CD101: variants seen among roughly 807,000 people sequenced by gnomAD.
CD101 encodes the protein immunoglobulin superfamily member 2.
Under a neutral mutation model 98.2 loss-of-function variants are expected in CD101, and 76 were observed. The observed-to-expected ratio is 0.77, with a 90% CI of 0.64 to 0.94. The LOEUF (loss-of-function observed/expected upper bound fraction) is 0.94. Ranked by LOEUF, CD101 falls within the 40% of genes least tolerant of loss-of-function variation. The pLI is 0.00. For synonymous variants in CD101, 471 were observed against 472.7 expected (o/e 1.00, Z 0.05); for missense variants, 1,145 against 1,218.8 (o/e 0.94, Z 0.90).
In CD101 at chr1:117,010,072, TG is replaced by T. The variant is rs1396917522; in HGVS notation, c.267del (p.Arg90GlufsTer24). The stretch of plus-strand genomic sequence containing the variant: ...TCTTACGCAGTATATACGCAGCGGG[TG>T]CGAAGCGGAGACGTCTACGTGGAGA... ...AFSYAVYTQR[V>X]RSGDVYVERV... On this transcript the variant is annotated frameshift_variant, in exon 2 of 10. Transcript: ENST00000682167. LOFTEE classifies it high-confidence loss of function. This position sits in a 1 kb window ranked among gnomAD's most constrained non-coding sequence, Gnocchi z 5.2. 3 of 1,614,072 alleles carry T rather than the reference TG, an allele frequency of 1.9e-6. No individual in the cohort carries two copies. The highest frequency in any genetic ancestry group is 1.7e-6 in the Non-Finnish European group (2 of 1,180,042).
Position 117,014,185 on chromosome 1 carries a change from TTGTGTGTGTGTGTGTGTGTGTG to T in CD101, c.1228+416_1228+437del, listed in dbSNP as rs3220776. On this transcript the variant is annotated intron_variant, in intron 4 of 9. Coordinates refer to ENST00000682167, the MANE Select transcript of CD101 (RefSeq NM_001256106.3). ...TGTGTATTAATGAAGCCCTCTGCCT[TTGTGTGTGTGTGTGTGTGTGTG>T]TGTGTGTGTGTGTGTGTGTGTGATA... 6.4e-5 allele frequency among the ~76,000 whole-genome samples: 9 copies of T among 141,166 alleles called. No individual in the cohort carries two copies. In the East Asian group the frequency reaches 1.7e-3, roughly 27 times the overall value. 92.6% of individuals were successfully genotyped at this position (141,166 alleles called of 152,430 possible).
At chr1:117,029,581 A>G (rs1016659325) in intron 8 of CD101, among the ~76,000 whole-genome samples, 2 of 152,274 alleles carry the variant, frequency 1.3e-5, no homozygotes, top group Non-Finnish European at 2.9e-5. Context: ...ATAGGCAAAG[A>G]TAATGAGTGT....
At chr1:117,008,760 T>C (rs1267106324) in intron 1 of CD101, among the ~76,000 whole-genome samples, 1 of 152,180 alleles carries the variant, frequency 6.6e-6, no homozygotes, top group Admixed American at 6.5e-5. Flanking sequence ...TCTTTGTCCC[T>C]GTGGAGTCAC....
chr1:117,029,221 G>GAA (rs774980237), intron 8 of CD101, among the ~76,000 whole-genome samples: 26 of 40,862 alleles, frequency 6.4e-4, no homozygotes, highest in Non-Finnish European at 8.5e-4. Context: ...AGAAAAGAAA[G>GAA]AAAGAAAGAA....
intron 3 of CD101, among the ~76,000 whole-genome samples, chr1:117,013,088 A>G (rs1452469181): frequency 6.6e-6 from 1 of 152,066 alleles, no homozygotes; most frequent in African/African-American, 2.4e-5. Context: ...TATTTAATTC[A>G]GTATACAATA....
chr1:117,030,396 AAAC>A (rs1362474216), intron 8 of CD101, among the ~76,000 whole-genome samples: 1 of 151,844 alleles, frequency 6.6e-6, no homozygotes, highest in African/African-American at 2.4e-5. Context: ...ACAAACAAAC[AAAC>A]AAACAAAGAG....
In CD101 at chr1:117,019,923, T is replaced by G. The variant is rs1653474583; in HGVS notation, c.2017+1363T>G. ...GTGTGACATGCAAGGTCCTTTATCA[T>G]CTGGTACATTTGTGTCTTTCCAGCA... On this transcript the variant is annotated intron_variant, in intron 6 of 9. Coordinates refer to ENST00000682167, the MANE Select transcript of CD101 (RefSeq NM_001256106.3). The surrounding 1 kb of genome is among the most constrained non-coding windows in gnomAD (Gnocchi z 4.3). Among the ~76,000 whole-genome samples, 1 of 152,178 alleles carries G rather than the reference T, an allele frequency of 6.6e-6. No homozygotes were observed. The highest frequency in any genetic ancestry group is 1.5e-5 in the Non-Finnish European group (1 of 68,030).
chr1:117,008,806 C>A (rs548093712), intron 1 of CD101, among the ~76,000 whole-genome samples: 1 of 152,218 alleles, frequency 6.6e-6, no homozygotes, highest in East Asian at 1.9e-4. Context: ...TACTCATCTT[C>A]GTATGAACTC....
rs141196018 is a variant in CD101 at position 117,018,853 on chromosome 1, G to A, written c.2017+293G>A. Among the ~76,000 whole-genome samples the A allele has an allele frequency of 0.011, 1,609 of 152,248 alleles. 16 individuals carry two copies. Among genetic ancestry groups the A allele is most frequent in the Non-Finnish European group, 0.015 (992 of 68,024 alleles). On this transcript the variant is annotated intron_variant, in intron 6 of 9. Transcript: ENST00000682167. The surrounding 1 kb of genome is among the most constrained non-coding windows in gnomAD (Gnocchi z 4.3). The stretch of plus-strand genomic sequence containing the variant: ...CCCAGCAACTAAAGGGTACCACGTG[G>A]CACAGCAGGGGGCCTCTAGGACCTG...
At chr1:117,027,562 C>T (rs534253364) in intron 8 of CD101, among the ~76,000 whole-genome samples, 63 of 152,128 alleles carry the variant, frequency 4.1e-4, no homozygotes, top group Admixed American at 9.2e-4. Flanking sequence ...ATGTTATATT[C>T]GGGGAACTCC....
chr1:117,011,514 G>C (rs1476789566), intron 2 of CD101, 36 bp from the exon 3 acceptor site: 5 of 1,581,542 alleles, frequency 3.2e-6, no homozygotes, highest in Non-Finnish European at 4.3e-6. Context: ...GACAAGCACT[G>C]GGCCAGTCAC....
At position 117,017,137 on chromosome 1, in the gene CD101, G is replaced by C; in HGVS notation, c.1276G>C (p.Glu426Gln). ...STKNKQQVVW[E>Q]GETLAFLCKA... is the part of the protein sequence containing the mutation. ...CAAGAACAAGCAGCAAGTTGTGTGGGAAGGAGAGACACTCGCCTTTCTCTG... is the reference window on the plus strand; with the variant it reads ...CAAGAACAAGCAGCAAGTTGTGTGGCAAGGAGAGACACTCGCCTTTCTCTG... Residue 426 changes from glutamate to glutamine, a missense_variant, in exon 5 of 10, where the codon GAA becomes CAA. Transcript: ENST00000682167. 2.5e-6 allele frequency: 4 copies of C among 1,614,174 alleles called. No homozygotes were observed. Among genetic ancestry groups the C allele is most frequent in the Non-Finnish European group, 3.4e-6 (4 of 1,179,986 alleles).
Position 117,022,037 on chromosome 1 carries a change from T to C in CD101, c.2428+54T>C. 6 of 1,538,976 alleles carry C rather than the reference T, an allele frequency of 3.9e-6. No homozygotes were observed. The South Asian group carries it at 7.7e-5, about 20-fold the overall frequency. On this transcript the variant is annotated intron_variant, in intron 7 of 9. Coordinates refer to ENST00000682167, the MANE Select transcript of CD101 (RefSeq NM_001256106.3). The surrounding 1 kb of genome is among the most constrained non-coding windows in gnomAD (Gnocchi z 4.8). ...GTCTGTCTGTCTGACGGCTGTTTTCTCTTGGGCAGCTGTTCTATGGAGTGA... is the reference window on the plus strand; with the variant it reads ...GTCTGTCTGTCTGACGGCTGTTTTCCCTTGGGCAGCTGTTCTATGGAGTGA...
Position 117,011,773 on chromosome 1 carries a change from G to A in CD101, c.648G>A (p.Arg216=), listed in dbSNP as rs775547545. 1 of 1,614,096 alleles carries A rather than the reference G, an allele frequency of 6.2e-7. No homozygotes were observed. Among genetic ancestry groups the A allele is most frequent in the Non-Finnish European group, 8.5e-7 (1 of 1,180,016 alleles). ...TCCCTGGGCCCTTGTATACAGAGCG[G>A]TTTGCAGCCAGTGACGTACAGCTCA... ...ILVPGPLYTE[R]FAASDVQLNK... is the part of the protein sequence containing the mutation. Residue 216 remains arginine, a synonymous_variant, in exon 3 of 10, where the codon CGG becomes CGA. Coordinates refer to ENST00000682167, the MANE Select transcript of CD101 (RefSeq NM_001256106.3).
chr1:117,032,681 A>T (rs1654537069), intron 8 of CD101, among the ~76,000 whole-genome samples: 1 of 152,246 alleles, frequency 6.6e-6, no homozygotes, highest in African/African-American at 2.4e-5. Flanking sequence ...CTGATTTCAG[A>T]TATCATGTCA....
At chr1:117,016,953 G>A in intron 4 of CD101, 137 bp from the exon 5 acceptor site, 1 of 826,402 alleles carries the variant, frequency 1.2e-6, no homozygotes, top group South Asian at 1.8e-5. Flanking sequence ...TTTTGCCTGA[G>A]GGTGGTGCAA....
At chr1:117,025,471 G>T (rs41276566) in intron 7 of CD101, 38 bp from the exon 8 acceptor site, 42,451 of 1,496,388 alleles carry the variant, frequency 0.028, 1,121 homozygotes, top group East Asian at 0.15. Flanking sequence ...AAATCTGAAA[G>T]TCTGCATTCT....
chr1:117,014,933 A>G (rs951936290), intron 4 of CD101, among the ~76,000 whole-genome samples: 1 of 152,242 alleles, frequency 6.6e-6, no homozygotes, highest in Admixed American at 6.5e-5. Flanking sequence ...GTGAGTTCAC[A>G]TATTTATGCA....
intron 8 of CD101, chr1:117,026,586 C>T: frequency 6.6e-6 from 1 of 152,192 alleles, no homozygotes; most frequent in East Asian, 1.9e-4. Flanking sequence ...ACATTCCGTA[C>T]ATGTTTTCCC....
Sources: gnomAD v4.1 joint callset for allele counts (sites outside exome capture counted in the v4.1 genomes callset) on GRCh38, gnomAD v4.1.1 for gene constraint, Gnocchi (gnomAD v3.1) non-coding constraint, MANE v1.5 for transcripts, NCBI Gene and HGNC (gene_info 2026-07-23, HGNC 2026-07-21) for gene names.